Variants in TRAPPC9 observed in about 807,000 individuals in gnomAD.
TRAPPC9 encodes trafficking protein particle complex subunit 9, also known as IKK2 binding protein.
A neutral mutation model predicts 124.0 loss-of-function variants in TRAPPC9; 83 were observed. The ratio of observed to expected loss-of-function variants is 0.67; its 90% CI spans 0.56 to 0.80. The LOEUF (loss-of-function observed/expected upper bound fraction) is 0.80. Among genes scored for constraint, TRAPPC9 ranks in the 30% least tolerant of loss-of-function variants. The pLI, the probability that TRAPPC9 is intolerant of heterozygous loss-of-function variation, is 0.00. For missense variants in TRAPPC9, 1,302 were observed against 1,508.3 expected, an observed-to-expected ratio of 0.86 and a Z score of 2.27; for synonymous variants, 638 against 617.5, an observed-to-expected ratio of 1.03 and a Z score of -0.49.
chr8:139,990,866 G>C lies in TRAPPC9; in HGVS notation c.2700-2030C>G, dbSNP rs553374959. On this transcript the variant is annotated intron_variant, in intron 18 of 22. Coordinates refer to ENST00000438773, the MANE Select transcript of TRAPPC9 (RefSeq NM_001160372.4). ...CCTCCCAAAGTGTTGGGATTACAGGGGTGAGCCACGGCACCCGGCCACATG... is the reference window on the plus strand; with the variant it reads ...CCTCCCAAAGTGTTGGGATTACAGGCGTGAGCCACGGCACCCGGCCACATG... 3.1e-3 allele frequency among the ~76,000 whole-genome samples: 472 copies of C among 152,066 alleles called. 1 individual carries two copies. Among genetic ancestry groups the C allele is most frequent in the African/African-American group, 0.011 (449 of 41,470 alleles).
chr8:140,266,533 C>A (rs2064662482), intron 15 of TRAPPC9, among the ~76,000 whole-genome samples: 2 of 139,928 alleles, frequency 1.4e-5, no homozygotes, highest in Non-Finnish European at 3.0e-5. Context: ...CATCGCTAGA[C>A]CCTCCTTGTC....
At chr8:139,932,233 G>A (rs1252551733) in intron 19 of TRAPPC9, 1 of 432,274 alleles carries the variant, frequency 2.3e-6, no homozygotes, top group Non-Finnish European at 4.7e-6. Context: ...GAGCCACTTC[G>A]CCGTGCAGCC....
chr8:139,997,864 C>T (rs1319609426), intron 18 of TRAPPC9, among the ~76,000 whole-genome samples: 1 of 121,552 alleles, frequency 8.2e-6, no homozygotes, highest in Admixed American at 8.8e-5. Flanking sequence ...ACAGGAGAGA[C>T]AATGCATCCC....
intron 17 of TRAPPC9, among the ~76,000 whole-genome samples, chr8:140,210,761 T>C (rs2063040533): frequency 6.6e-6 from 1 of 152,120 alleles, no homozygotes; most frequent in Non-Finnish European, 1.5e-5. Flanking sequence ...CTGTGGATGT[T>C]CTCTCCCCCG....
chr8:140,370,923 C>T (rs1192876179), intron 8 of TRAPPC9, 41 bp downstream of exon 8: 2 of 1,608,832 alleles, frequency 1.2e-6, no homozygotes, highest in South Asian at 1.1e-5. Context: ...GACCATCAGA[C>T]AGAAAGCAAC....
intron 15 of TRAPPC9, among the ~76,000 whole-genome samples, chr8:140,255,785 C>T (rs1476894461): frequency 6.6e-6 from 1 of 152,162 alleles, no homozygotes; most frequent in East Asian, 1.9e-4. Flanking sequence ...ATTCAGGAGC[C>T]CAAGGCATGA....
intron 14 of TRAPPC9, 72 bp downstream of exon 14, chr8:140,283,815 TAA>T (rs368141971): frequency 3.9e-3 from 5,260 of 1,343,312 alleles, no homozygotes; most frequent in Middle Eastern, 4.5e-3. Flanking sequence ...TTTGTGCCAT[TAA>T]AAAAAAAAAA....
intron 21 of TRAPPC9, among the ~76,000 whole-genome samples, chr8:139,784,646 A>ATATATATAT (rs1290029459): frequency 4.0e-4 from 32 of 79,288 alleles, no homozygotes; most frequent in African/African-American, 5.7e-4. Context: ...TATATATATA[A>ATATATATAT]ATCAACTGCA....
chr8:140,027,229 C>T (rs1234439429), intron 17 of TRAPPC9, among the ~76,000 whole-genome samples: 1 of 152,178 alleles, frequency 6.6e-6, no homozygotes, highest in Non-Finnish European at 1.5e-5. Context: ...TCTGTAAATG[C>T]TGAGTGAGGC....
intron 21 of TRAPPC9, among the ~76,000 whole-genome samples, chr8:139,855,387 GGTACCT>G (rs1239567407): frequency 1.1e-4 from 17 of 152,084 alleles, no homozygotes; most frequent in Middle Eastern, 3.2e-3. Context: ...AGCAGGCAGG[GGTACCT>G]TGCCATGTCA....
chr8:140,453,110 G>A (rs565368351), intron 1 of TRAPPC9, among the ~76,000 whole-genome samples: 3 of 152,072 alleles, frequency 2.0e-5, no homozygotes, highest in Non-Finnish European at 4.4e-5. Flanking sequence ...TTTTTTTAAA[G>A]GTTAGGGAGA....
At chr8:139,894,257 C>A (rs540694646) in intron 20 of TRAPPC9, among the ~76,000 whole-genome samples, 1 of 152,360 alleles carries the variant, frequency 6.6e-6, no homozygotes, top group South Asian at 2.1e-4. Context: ...CCAACAAGAC[C>A]CTCACCGAGC....
chr8:140,162,020 C>A (rs2061760184), intron 17 of TRAPPC9, among the ~76,000 whole-genome samples: 1 of 152,196 alleles, frequency 6.6e-6, no homozygotes, highest in Non-Finnish European at 1.5e-5. Context: ...GTGGACACAG[C>A]TGCCCGCAGC....
chr8:139,947,907 T>TAGAGAGAGAGAGAGAGAGAG (rs59810983), intron 19 of TRAPPC9, among the ~76,000 whole-genome samples: 5 of 60,374 alleles, frequency 8.3e-5, no homozygotes, highest in African/African-American at 2.9e-4. Flanking sequence ...TATATATATA[T>TAGAGAGAGAGAGAGAGAGAG]AGAGAGAGAG....
intron 17 of TRAPPC9, chr8:140,099,693 G>A (rs1291603262): frequency 6.6e-6 from 1 of 152,132 alleles, no homozygotes; most frequent in Non-Finnish European, 1.5e-5. Context: ...AGCTGCAGGA[G>A]TGCCGCAATC....
chr8:140,457,313 C>G (rs566027115), intron 1 of TRAPPC9, among the ~76,000 whole-genome samples: 1 of 152,304 alleles, frequency 6.6e-6, no homozygotes, highest in Non-Finnish European at 1.5e-5. Context: ...AGGGGACCCC[C>G]GCCGCGAGCT....
chr8:139,728,402 A>C lies in TRAPPC9; in HGVS notation c.*2659T>G, dbSNP rs1477340400. On this transcript the variant is annotated 3_prime_UTR_variant, in exon 23 of 23. Coordinates refer to ENST00000438773, the MANE Select transcript of TRAPPC9 (RefSeq NM_001160372.4). ...CCTTCAGGAGGTTTCTGAATGCACCAGGGGCCTAGAGAAGCAGCAACTGCT... is the reference window on the plus strand; with the variant it reads ...CCTTCAGGAGGTTTCTGAATGCACCCGGGGCCTAGAGAAGCAGCAACTGCT... 6.6e-6 allele frequency among the ~76,000 whole-genome samples: 1 copy of C among 152,210 alleles called. No homozygotes were observed. Among genetic ancestry groups the C allele is most frequent in the African/African-American group, 2.4e-5 (1 of 41,456 alleles).
chr8:140,003,132 A>G (rs1838513543), intron 18 of TRAPPC9, among the ~76,000 whole-genome samples: 1 of 152,194 alleles, frequency 6.6e-6, no homozygotes, highest in South Asian at 2.1e-4. Context: ...TCTATAATAT[A>G]TTTTAAAAAC....
rs367823606 is a variant in TRAPPC9, at chr8:139,805,890, C to T, written c.3056-73688G>A. Among the ~76,000 whole-genome samples the T allele has an allele frequency of 4.6e-5, 7 of 152,328 alleles. No homozygotes were observed. The East Asian group carries it at 9.7e-4, about 21-fold the overall frequency. ...AACTAAAATGCAAGCCTGTAAGTGT[C>T]TCAATGTATAAAAGCCTGGTTAAGG... On this transcript the variant is annotated intron_variant, in intron 21 of 22. Transcript: ENST00000438773.
Sources: gnomAD v4.1 joint callset for allele counts (sites outside exome capture counted in the v4.1 genomes callset) on GRCh38, gnomAD v4.1.1 for gene constraint, MANE v1.5 for transcripts, NCBI Gene and HGNC (gene_info 2026-07-23, HGNC 2026-07-21) for gene names.